KIAA1671: variants seen among roughly 807,000 people sequenced by gnomAD.
KIAA1671 encodes uncharacterized protein KIAA1671.
KIAA1671 carries 52 observed loss-of-function variants against 131.2 expected under a neutral mutation model. That is an observed-to-expected ratio of 0.40 (90% CI 0.32 to 0.50). The LOEUF (loss-of-function observed/expected upper bound fraction) is 0.50, where lower values mean the gene tolerates loss of function less well. Ranked by LOEUF, KIAA1671 falls within the 20% of genes least tolerant of loss-of-function variation. The pLI, the probability that KIAA1671 is intolerant of heterozygous loss-of-function variation, is 0.73. For synonymous variants in KIAA1671, 1,003 were observed against 961.6 expected, an observed-to-expected ratio of 1.04 and a Z score of -0.80; for missense variants, 2,360 against 2,364.2, an observed-to-expected ratio of 1.00 and a Z score of 0.04.
rs973366680 is a variant in KIAA1671 at position 25,028,227 on chromosome 22, C to T, written c.228C>T (p.Asp76=). 121 of 1,551,422 alleles carry T rather than the reference C, an allele frequency of 7.8e-5. 2 individuals carry two copies. In the Admixed American group the frequency reaches 1.7e-3, roughly 21 times the overall value. ...CCAAACCCTTCTCGAAGGAGCAGGA[C>T]GTGAAATCTCCTGTCCCGTCTCTGC... The part of the protein sequence containing the change: ...LAPKPFSKEQ[D]VKSPVPSLRP... The change falls in exon 3 of 13, where the codon GAC becomes GAT. Residue 76 remains aspartate, a synonymous_variant. Transcript: ENST00000358431.
chr22:24,981,986 G>A (rs1052855559), intron 1 of KIAA1671, among the ~76,000 whole-genome samples: 1 of 152,202 alleles, frequency 6.6e-6, no homozygotes, highest in Non-Finnish European at 1.5e-5. Context: ...GATGCTGCCT[G>A]AATTACCTGA....
chr22:24,956,438 C>T (rs1432757530), intron 1 of KIAA1671, among the ~76,000 whole-genome samples: 1 of 152,204 alleles, frequency 6.6e-6, no homozygotes. Context: ...GGAATTTGAA[C>T]TCCCTTCCAA....
intron 1 of KIAA1671, among the ~76,000 whole-genome samples, chr22:24,989,019 G>A (rs1168138725): frequency 6.6e-6 from 1 of 152,202 alleles, no homozygotes; most frequent in Non-Finnish European, 1.5e-5. Context: ...TTGTGCTGGT[G>A]TTGAACTCCC....
intron 1 of KIAA1671, among the ~76,000 whole-genome samples, chr22:24,969,143 T>A (rs1305834754): frequency 6.6e-6 from 1 of 152,178 alleles, no homozygotes; most frequent in Non-Finnish European, 1.5e-5. Flanking sequence ...TCAAGTGATC[T>A]GCCCACCTCA....
intron 6 of KIAA1671, among the ~76,000 whole-genome samples, chr22:25,101,826 C>T (rs752811737): frequency 1.3e-5 from 2 of 152,106 alleles, no homozygotes; most frequent in African/African-American, 2.4e-5. Context: ...GGACAGGACA[C>T]GTCCCTGCCG....
At chr22:24,970,555 A>G (rs2123812764) in intron 1 of KIAA1671, among the ~76,000 whole-genome samples, 1 of 152,188 alleles carries the variant, frequency 6.6e-6, no homozygotes, top group South Asian at 2.1e-4. Flanking sequence ...TGCCTTTATC[A>G]TGTAAAGGCT....
At chr22:25,137,978 T>C (rs1351168033) in intron 6 of KIAA1671, among the ~76,000 whole-genome samples, 3 of 152,360 alleles carry the variant, frequency 2.0e-5, no homozygotes, top group Non-Finnish European at 4.4e-5. Flanking sequence ...GCCAAGTGAA[T>C]GGCTGTCCTG....
At chr22:25,127,219 T>C (rs1932223213) in intron 6 of KIAA1671, among the ~76,000 whole-genome samples, 1 of 152,212 alleles carries the variant, frequency 6.6e-6, no homozygotes, top group Non-Finnish European at 1.5e-5. Context: ...TGGTAGGTGC[T>C]CAGTAGCTTC....
At chr22:25,155,619 T>C (rs1933206014) in intron 6 of KIAA1671, among the ~76,000 whole-genome samples, 1 of 152,060 alleles carries the variant, frequency 6.6e-6, no homozygotes, top group African/African-American at 2.4e-5. Context: ...TTTGTGTTTG[T>C]GTGAAAGTGT....
chr22:24,987,201 C>T (rs1307399144), intron 1 of KIAA1671, among the ~76,000 whole-genome samples: 1 of 149,600 alleles, frequency 6.7e-6, no homozygotes, highest in African/African-American at 2.5e-5. Context: ...GACAGAGTCT[C>T]GCCCTGTTGC....
chr22:25,185,061 T>A lies in KIAA1671; in HGVS notation c.5284T>A (p.Phe1762Ile). The change falls in exon 11 of 13, where the codon TTC becomes ATC. Residue 1762 changes from phenylalanine (F) to isoleucine (I), a missense_variant. By Grantham distance (21) the Phe-to-Ile change is conservative (BLOSUM62 0). This residue lies in a region of KIAA1671 where 1,161 missense variants were observed against 1,204.7 expected (regional missense o/e 0.96). Transcript: ENST00000358431. ...CCAACCCAAGAGCCCCAAGTCCCCC[T>A]TCCAGCCTGGGGTGCTGGGCAGTCG... The part of the protein sequence containing the change: ...APQPKSPKSP[F>I]QPGVLGSRVL... The A allele has an allele frequency of 1.3e-6, 2 of 1,551,636 alleles. No homozygotes were observed. Among genetic ancestry groups the A allele is most frequent in the Non-Finnish European group, 1.7e-6 (2 of 1,146,972 alleles).
In KIAA1671 at chr22:25,067,736, G is replaced by A. The variant is rs1275180617; in HGVS notation, c.4530+18372G>A. Among the ~76,000 whole-genome samples, 3 of 152,154 alleles carry A rather than the reference G, an allele frequency of 2.0e-5. No individual in the cohort carries two copies. In the East Asian group the frequency reaches 5.8e-4, roughly 29 times the overall value. On this transcript the variant is annotated intron_variant, in intron 6 of 12. Transcript: ENST00000358431. ...GCATTTCTCTGTCCTGGGCTGATAG[G>A]AGACCAGACAGTCAACCCTTAGCAG... is the stretch of plus-strand genomic sequence containing the variant.
intron 6 of KIAA1671, among the ~76,000 whole-genome samples, chr22:25,124,948 G>A (rs1932109327): frequency 6.6e-6 from 1 of 151,968 alleles, no homozygotes; most frequent in African/African-American, 2.4e-5. Flanking sequence ...TGTAGAGATG[G>A]GGGTCTCACT....
chr22:25,016,525 C>A (rs1925331626), intron 1 of KIAA1671, among the ~76,000 whole-genome samples: 1 of 152,146 alleles, frequency 6.6e-6, no homozygotes, highest in Non-Finnish European at 1.5e-5. Context: ...GTGTCTGAGG[C>A]CCAGACTAAG....
At chr22:24,958,980 CAAA>C (rs59084421) in intron 1 of KIAA1671, among the ~76,000 whole-genome samples, 86 of 77,554 alleles carry the variant, frequency 1.1e-3, no homozygotes, top group Non-Finnish European at 2.2e-3. Context: ...AACTTCGTAT[CAAA>C]AAAAAAAAAA....
chr22:25,107,469 C>CT (rs765558092), intron 6 of KIAA1671, among the ~76,000 whole-genome samples: 36,542 of 68,362 alleles, frequency 0.53, 12,218 homozygotes, highest in East Asian at 0.66. Context: ...ATCCATGGCA[C>CT]TTTTTTTTTT....
chr22:25,166,642 G>A (rs1419287010), intron 6 of KIAA1671, among the ~76,000 whole-genome samples: 21 of 152,166 alleles, frequency 1.4e-4, no homozygotes, highest in African/African-American at 1.4e-4. Context: ...TCATCATGAC[G>A]GTTCCCATCT....
chr22:25,115,825 G>A (rs1434138676), intron 6 of KIAA1671, among the ~76,000 whole-genome samples: 1 of 152,134 alleles, frequency 6.6e-6, no homozygotes, highest in Non-Finnish European at 1.5e-5. Context: ...CACCCAGGCT[G>A]GAGTGCAGTG....
intron 1 of KIAA1671, chr22:25,011,968 G>A (rs919509021): frequency 6.6e-6 from 1 of 152,114 alleles, no homozygotes. Flanking sequence ...CAAAGTAAAA[G>A]CCTCCCTAGA....
Sources: gnomAD v4.1 joint callset for allele counts (sites outside exome capture counted in the v4.1 genomes callset) on GRCh38, gnomAD v4.1.1 for gene constraint, gnomAD v4.1.1 regional missense constraint, MANE v1.5 for transcripts, NCBI Gene and HGNC (gene_info 2026-07-23, HGNC 2026-07-21) for gene names.